COBL: variants seen among roughly 807,000 people sequenced by gnomAD.
COBL encodes the protein protein cordon-bleu.
A neutral mutation model predicts 98.8 loss-of-function variants in COBL; 51 were observed. The ratio of observed to expected loss-of-function variants is 0.52; its 90% CI spans 0.41 to 0.65. COBL has a LOEUF of 0.65. Ranked by LOEUF, COBL falls within the 30% of genes least tolerant of loss-of-function variation. The probability of loss-of-function intolerance (pLI) is 0.00; values close to 1 mark genes in which losing one functional copy is unlikely to be tolerated. For synonymous variants in COBL, 634 were observed against 651.7 expected, an observed-to-expected ratio of 0.97 and a Z score of 0.41; for missense variants, 1,617 against 1,617.5, an observed-to-expected ratio of 1.00 and a Z score of 0.01.
intron 2 of COBL, among the ~76,000 whole-genome samples, chr7:51,203,615 C>T (rs1301963622): frequency 6.6e-6 from 1 of 151,238 alleles, no homozygotes; most frequent in Non-Finnish European, 1.5e-5. Flanking sequence ...CAAATCACAT[C>T]ATCCCTAAAA....
chr7:51,153,842 G>A (rs563808190), intron 5 of COBL, among the ~76,000 whole-genome samples: 2 of 152,226 alleles, frequency 1.3e-5, no homozygotes, highest in African/African-American at 2.4e-5. Flanking sequence ...GCCAGCTAAC[G>A]TTTTTATTTC....
chr7:51,215,278 C>T (rs1174944460), intron 2 of COBL, among the ~76,000 whole-genome samples: 1 of 152,216 alleles, frequency 6.6e-6, no homozygotes, highest in African/African-American at 2.4e-5. Flanking sequence ...TTAACCTTGT[C>T]ACTTCCCCAC....
chr7:51,316,537 G>A, intron 1 of COBL, 56 bp downstream of exon 1: 2 of 1,184,058 alleles, frequency 1.7e-6, no homozygotes, highest in Non-Finnish European at 2.1e-6. Flanking sequence ...GCGGACGCGG[G>A]CGTCCGAGCC....
chr7:51,198,890 G>T lies in COBL; in HGVS notation c.246-5301C>A, dbSNP rs58618467. On this transcript the variant is annotated intron_variant, in intron 2 of 12. Coordinates refer to ENST00000265136, the MANE Select transcript of COBL (RefSeq NM_015198.5). ...TCCAGATAGGAGGTTGTGAAACCCT[G>T]GTAGAGCCCCAGACTGAGGAGGGAT... Among the ~76,000 whole-genome samples, 1,082 of 152,310 alleles carry T rather than the reference G, an allele frequency of 7.1e-3. 14 individuals carry two copies. Among genetic ancestry groups the T allele is most frequent in the African/African-American group, 0.025 (1,033 of 41,574 alleles).
At chr7:51,210,505 A>C (rs890814266) in intron 2 of COBL, among the ~76,000 whole-genome samples, 1 of 152,200 alleles carries the variant, frequency 6.6e-6, no homozygotes, top group Non-Finnish European at 1.5e-5. Flanking sequence ...CAGGAGCTCC[A>C]GCTTTGGCTC....
At chr7:51,026,841 T>A (rs1198329036) in intron 10 of COBL, among the ~76,000 whole-genome samples, 176 bp from the exon 11 acceptor site, 1 of 152,122 alleles carries the variant, frequency 6.6e-6, no homozygotes. Context: ...GAGGTTGCAG[T>A]GAGCCAAGAT....
At chr7:51,143,654 A>T (rs1784765565) in intron 5 of COBL, among the ~76,000 whole-genome samples, 1 of 152,200 alleles carries the variant, frequency 6.6e-6, no homozygotes, top group Non-Finnish European at 1.5e-5. Flanking sequence ...GAAACAAAAC[A>T]AAAAAGGGAA....
intron 6 of COBL, among the ~76,000 whole-genome samples, chr7:51,115,742 A>T (rs940103308): frequency 1.3e-5 from 2 of 152,018 alleles, no homozygotes; most frequent in African/African-American, 4.8e-5. Flanking sequence ...GATAGTTGGT[A>T]GTGTTGGTCA....
At chr7:51,253,060 T>TA (rs978916313) in intron 1 of COBL, among the ~76,000 whole-genome samples, 62 of 151,944 alleles carry the variant, frequency 4.1e-4, no homozygotes, top group African/African-American at 1.5e-3. Flanking sequence ...CCGTCTCTAC[T>TA]AAAAAATACA....
At chr7:51,263,116 T>A (rs1483944330) in intron 1 of COBL, among the ~76,000 whole-genome samples, 1 of 151,978 alleles carries the variant, frequency 6.6e-6, no homozygotes, top group Non-Finnish European at 1.5e-5. Context: ...GTGTGTGGAG[T>A]TGGGGAGTTC....
rs148800450 is a variant in COBL at position 51,279,913 on chromosome 7, G to T, written c.41+36680C>A. ...CTTTCACTTGGTAACATGTATTTAA[G>T]GTTTTTCCATGTCTTTCTATGGCTT... On this transcript the variant is annotated intron_variant, in intron 1 of 12. Coordinates refer to ENST00000265136, the MANE Select transcript of COBL (RefSeq NM_015198.5). 3.5e-3 allele frequency among the ~76,000 whole-genome samples: 530 copies of T among 152,112 alleles called. 3 individuals are homozygous for T. Among genetic ancestry groups the T allele is most frequent in the African/African-American group, 0.012 (507 of 41,508 alleles).
At chr7:51,107,638 A>T (rs921022359) in intron 6 of COBL, among the ~76,000 whole-genome samples, 1 of 152,186 alleles carries the variant, frequency 6.6e-6, no homozygotes, top group South Asian at 2.1e-4. Context: ...ACACTGGTGC[A>T]TGTATACAAG....
chr7:51,119,427 G>A (rs973430079), intron 6 of COBL, among the ~76,000 whole-genome samples: 1 of 152,208 alleles, frequency 6.6e-6, no homozygotes, highest in Non-Finnish European at 1.5e-5. Flanking sequence ...CAGCTGGCTT[G>A]TGAGGGAAGT....
intron 2 of COBL, among the ~76,000 whole-genome samples, chr7:51,211,331 C>T (rs1792406507): frequency 6.6e-6 from 1 of 152,248 alleles, no homozygotes; most frequent in Admixed American, 6.5e-5. Flanking sequence ...GGTACCACTG[C>T]TCACTGCCTC....
chr7:51,196,112 C>A (rs1790565255), intron 2 of COBL, among the ~76,000 whole-genome samples: 1 of 152,086 alleles, frequency 6.6e-6, no homozygotes. Flanking sequence ...TTTGCCCATT[C>A]AGTATGATCT....
intron 1 of COBL, among the ~76,000 whole-genome samples, chr7:51,303,756 G>A (rs984090481): frequency 1.3e-5 from 2 of 152,154 alleles, no homozygotes; most frequent in African/African-American, 2.4e-5. Flanking sequence ...ATACTGATCC[G>A]TTCTGTATGG....
chr7:51,255,238 T>C (rs1489200196), intron 1 of COBL, among the ~76,000 whole-genome samples: 1 of 152,174 alleles, frequency 6.6e-6, no homozygotes, highest in Non-Finnish European at 1.5e-5. Context: ...GTTACAAAGA[T>C]AAAATGAGGA....
intron 1 of COBL, among the ~76,000 whole-genome samples, chr7:51,264,675 A>G (rs1366184688): frequency 6.0e-5 from 8 of 134,242 alleles, no homozygotes; most frequent in African/African-American, 1.9e-4. Flanking sequence ...CATCTCCCAA[A>G]AAAAAAAAAA....
rs921488065 is a variant in COBL, at chr7:51,113,053, G to C, written c.957+23105C>G. Among the ~76,000 whole-genome samples, 5 of 152,300 alleles carry C rather than the reference G, an allele frequency of 3.3e-5. No individual in the cohort carries two copies. In the South Asian group the frequency reaches 8.3e-4, roughly 25 times the overall value. ...ATAAAAATCCTTTGGCACAGGTCTA[G>C]GGTGTGAAATGCACTCCCTCTGCAC... On this transcript the variant is annotated intron_variant, in intron 6 of 12. Coordinates refer to ENST00000265136, the MANE Select transcript of COBL (RefSeq NM_015198.5).
Sources: gnomAD v4.1 joint callset for allele counts (sites outside exome capture counted in the v4.1 genomes callset) on GRCh38, gnomAD v4.1.1 for gene constraint, MANE v1.5 for transcripts, NCBI Gene and HGNC (gene_info 2026-07-23, HGNC 2026-07-21) for gene names.